GRIP1: variants seen among roughly 807,000 people sequenced by gnomAD.
GRIP1 encodes glutamate receptor interacting protein 1.
A neutral mutation model predicts 129.9 loss-of-function variants in GRIP1; 45 were observed. The ratio of observed to expected loss-of-function variants is 0.35; its 90% CI spans 0.27 to 0.44. The LOEUF (loss-of-function observed/expected upper bound fraction) is 0.44, where lower values mean the gene tolerates loss of function less well. Ranked by LOEUF, GRIP1 falls within the 20% of genes least tolerant of loss-of-function variation. The pLI, the probability that GRIP1 is intolerant of heterozygous loss-of-function variation, is 1.00. For synonymous variants in GRIP1, 530 were observed against 520.8 expected, an observed-to-expected ratio of 1.02 and a Z score of -0.24; for missense variants, 1,196 against 1,396.8, an observed-to-expected ratio of 0.86 and a Z score of 2.29.
chr12:67,013,030 C>A (rs904462798), intron 1 of GRIP1, among the ~76,000 whole-genome samples: 1 of 152,110 alleles, frequency 6.6e-6, no homozygotes, highest in African/African-American at 2.4e-5. Flanking sequence ...TATTTTCAAT[C>A]TGCATTTCAC....
intron 1 of GRIP1, among the ~76,000 whole-genome samples, chr12:66,642,256 A>G (rs1489682802): frequency 6.6e-6 from 1 of 152,076 alleles, no homozygotes; most frequent in Admixed American, 6.6e-5. Flanking sequence ...TTACAGAAGA[A>G]AAGGGGGATG....
At chr12:66,940,548 A>G (rs1207215875) in intron 1 of GRIP1, among the ~76,000 whole-genome samples, 2 of 152,166 alleles carry the variant, frequency 1.3e-5, no homozygotes, top group Non-Finnish European at 2.9e-5. Context: ...CCAATCATAT[A>G]CTATGTATTA....
At chr12:66,566,519 T>C (rs2062762555) in intron 2 of GRIP1, among the ~76,000 whole-genome samples, 1 of 152,200 alleles carries the variant, frequency 6.6e-6, no homozygotes, top group Non-Finnish European at 1.5e-5. Flanking sequence ...TGATTCAGTT[T>C]GCCAGTATTT....
intron 7 of GRIP1, among the ~76,000 whole-genome samples, chr12:66,485,788 T>C (rs1363142869): frequency 6.6e-6 from 1 of 151,306 alleles, no homozygotes; most frequent in Non-Finnish European, 1.5e-5. Context: ...AATTGATCCA[T>C]TATCATTTTT....
chr12:66,786,571 C>A (rs946702709), intron 1 of GRIP1, among the ~76,000 whole-genome samples: 5 of 152,218 alleles, frequency 3.3e-5, no homozygotes, highest in Admixed American at 2.0e-4. Flanking sequence ...TCCCAGCAGC[C>A]CCCAGTGCTT....
intron 1 of GRIP1, among the ~76,000 whole-genome samples, chr12:66,635,751 T>C (rs1195024619): frequency 1.3e-5 from 2 of 152,052 alleles, no homozygotes; most frequent in African/African-American, 4.8e-5. Flanking sequence ...AGAAAATAAA[T>C]ACCAGTTACC....
At position 66,703,835 on chromosome 12, in the gene GRIP1, A is replaced by G. The variant is rs371663686; in HGVS notation, c.-419-73499T>C. Among the ~76,000 whole-genome samples, 11 of 152,232 alleles carry G rather than the reference A, an allele frequency of 7.2e-5. No homozygotes were observed. The South Asian group carries it at 2.3e-3, about 32-fold the overall frequency. ...GATATATTACAAATCCATAGTAATGAAAACCATGTGTGTGGGGTGGGGAGA... is the reference window on the plus strand; with the variant it reads ...GATATATTACAAATCCATAGTAATGGAAACCATGTGTGTGGGGTGGGGAGA... On this transcript the variant is annotated intron_variant, in intron 1 of 4. Transcript: ENST00000538373.
At chr12:66,635,709 A>G (rs931972182) in intron 1 of GRIP1, among the ~76,000 whole-genome samples, 1 of 152,198 alleles carries the variant, frequency 6.6e-6, no homozygotes, top group African/African-American at 2.4e-5. Context: ...ATTAGTATCC[A>G]GAATACATAA....
At chr12:66,528,506 G>A (rs1318587811) in intron 5 of GRIP1, among the ~76,000 whole-genome samples, 3 of 152,114 alleles carry the variant, frequency 2.0e-5, no homozygotes, top group African/African-American at 7.2e-5. Flanking sequence ...ACTATAATAT[G>A]ATGACTTGAG....
rs532423722 is a variant in GRIP1, at chr12:66,860,174, G to A, written c.58+208876C>T. Among the ~76,000 whole-genome samples the A allele has an allele frequency of 3.3e-5, 5 of 152,132 alleles. No individual in the cohort carries two copies. In the East Asian group the frequency reaches 7.8e-4, roughly 24 times the overall value. Reference sequence around the variant, plus strand: ...GGGCTATAAGGATAGATAACTTATCGGAAAAGCCTGGGCTTCTAGGAGGCA... The same window carrying A: ...GGGCTATAAGGATAGATAACTTATCAGAAAAGCCTGGGCTTCTAGGAGGCA... On this transcript the variant is annotated intron_variant, in intron 1 of 1. Coordinates refer to the GRIP1 transcript ENST00000643019.
chr12:66,781,035 T>C (rs2136785174), intron 1 of GRIP1, among the ~76,000 whole-genome samples: 1 of 152,270 alleles, frequency 6.6e-6, no homozygotes, highest in South Asian at 2.1e-4. Flanking sequence ...CATGATAAAA[T>C]GATTATTGTT....
chr12:66,552,733 A>G (rs1315775719), intron 2 of GRIP1, among the ~76,000 whole-genome samples: 1 of 152,238 alleles, frequency 6.6e-6, no homozygotes, highest in East Asian at 1.9e-4. Context: ...GCACTAGTAA[A>G]TCAGTCCTCA....
At chr12:66,817,537 G>C (rs961008136) in intron 1 of GRIP1, among the ~76,000 whole-genome samples, 1 of 152,044 alleles carries the variant, frequency 6.6e-6, no homozygotes, top group African/African-American at 2.4e-5. Flanking sequence ...AGCCTCCCGA[G>C]TAGCTGGGAT....
chr12:66,955,343 GAT>G (rs1208027243), intron 1 of GRIP1, among the ~76,000 whole-genome samples: 1 of 152,030 alleles, frequency 6.6e-6, no homozygotes, highest in Non-Finnish European at 1.5e-5. Context: ...ATTTAAAAGA[GAT>G]AATCTCTGCA....
intron 1 of GRIP1, among the ~76,000 whole-genome samples, chr12:66,813,309 A>G (rs1449419768): frequency 6.6e-6 from 1 of 152,106 alleles, no homozygotes; most frequent in African/African-American, 2.4e-5. Context: ...GAGAGAACTC[A>G]CTCATCACCA....
intron 1 of GRIP1, among the ~76,000 whole-genome samples, chr12:66,748,906 G>C (rs1280701624): frequency 6.6e-6 from 1 of 152,106 alleles, no homozygotes; most frequent in Non-Finnish European, 1.5e-5. Context: ...ATCCCTAGAG[G>C]TAACCATTCT....
chr12:66,360,091 C>T (rs986070540), intron 23 of GRIP1, among the ~76,000 whole-genome samples: 1 of 152,154 alleles, frequency 6.6e-6, no homozygotes, highest in African/African-American at 2.4e-5. Flanking sequence ...AGTTGATGGA[C>T]TGACTTGTCC....
At chr12:66,578,060 C>A (rs1206492120) in intron 2 of GRIP1, among the ~76,000 whole-genome samples, 1 of 151,978 alleles carries the variant, frequency 6.6e-6, no homozygotes, top group Non-Finnish European at 1.5e-5. Flanking sequence ...AATTGCAGAG[C>A]AACTTGAAAC....
At chr12:66,945,577 G>A (rs1474203012) in intron 1 of GRIP1, among the ~76,000 whole-genome samples, 1 of 152,016 alleles carries the variant, frequency 6.6e-6, no homozygotes, top group East Asian at 1.9e-4. Flanking sequence ...GGAGGGGGTG[G>A]GAGGTGCCAC....
Sources: allele counts gnomAD v4.1 joint callset (sites outside exome capture counted in the v4.1 genomes callset), GRCh38; gene constraint gnomAD v4.1.1; transcripts MANE v1.5; gene names NCBI Gene and HGNC (gene_info 2026-07-23, HGNC 2026-07-21).